COL4A4: variants seen among roughly 807,000 people sequenced by gnomAD.
COL4A4 encodes collagen alpha-4(IV) chain.
In COL4A4, 105 loss-of-function variants were observed where a neutral mutation model predicts 192.9. That is an observed-to-expected ratio of 0.54 (90% confidence interval 0.46 to 0.64). COL4A4 has a LOEUF of 0.64. Ranked by LOEUF, COL4A4 falls within the 30% of genes least tolerant of loss-of-function variation. The pLI, the probability that COL4A4 is intolerant of heterozygous loss-of-function variation, is 0.00. For synonymous variants in COL4A4, 762 were observed against 769.9 expected (o/e 0.99, Z 0.17); for missense variants, 1,967 against 2,169.3 (o/e 0.91, Z 1.85).
intron 25 of COL4A4, among the ~76,000 whole-genome samples, chr2:227,068,617 C>G (rs1200503944): frequency 1.3e-5 from 2 of 152,050 alleles, no homozygotes; most frequent in African/African-American, 2.4e-5. Context: ...AGACAAAAAC[C>G]ACATGATTAT....
intron 1 of COL4A4, among the ~76,000 whole-genome samples, chr2:227,154,786 C>T (rs1193644364): frequency 6.6e-6 from 1 of 152,202 alleles, no homozygotes; most frequent in Non-Finnish European, 1.5e-5. Flanking sequence ...AAAAGAATGA[C>T]ATGTCTTATT....
intron 20 of COL4A4, among the ~76,000 whole-genome samples, chr2:227,091,613 G>C (rs1385725158): frequency 6.6e-6 from 1 of 152,000 alleles, no homozygotes; most frequent in Non-Finnish European, 1.5e-5. Flanking sequence ...AGGATATAGG[G>C]CCAGGCACGG....
At chr2:227,045,783 CATAT>C (rs769553506) in intron 35 of COL4A4, among the ~76,000 whole-genome samples, 2 of 56,886 alleles carry the variant, frequency 3.5e-5, no homozygotes, top group African/African-American at 1.1e-4. Context: ...AAAAAAAATA[CATAT>C]ATATATATAT....
In COL4A4 at chr2:227,144,561, A is replaced by G. The variant is rs746717452; in HGVS notation, c.72-3T>C. On this transcript the variant is annotated splice_region_variant and splice_polypyrimidine_tract_variant and intron_variant, in intron 2 of 47. Transcript: ENST00000396625. The stretch of plus-strand genomic sequence containing the variant: ...AAAAGAGAATGAGTATAAGTGACCT[A>G]CAGAAAAACAAAAACGCAGATTAAT... 60 of 1,600,936 alleles carry G rather than the reference A, an allele frequency of 3.7e-5. No individual in the cohort carries two copies. The highest frequency in any genetic ancestry group is 3.3e-4 in the Middle Eastern group (2 of 6,058).
intron 28 of COL4A4, 87 bp downstream of exon 28, chr2:227,059,317 TA>T: frequency 8.6e-7 from 1 of 1,156,302 alleles, no homozygotes; most frequent in Non-Finnish European, 1.3e-6. Context: ...TCTACATGCC[TA>T]AAGCAAAATA....
chr2:227,058,506 T>G (rs1159970736), intron 28 of COL4A4, among the ~76,000 whole-genome samples: 4 of 152,200 alleles, frequency 2.6e-5, no homozygotes, highest in Non-Finnish European at 5.9e-5. Context: ...ATTTACAAAC[T>G]TCCATGCAAG....
chr2:227,139,136 G>A (rs921881074), intron 4 of COL4A4, among the ~76,000 whole-genome samples: 2 of 152,180 alleles, frequency 1.3e-5, no homozygotes, highest in East Asian at 3.9e-4. Context: ...AGGATACAGT[G>A]AGAAGACACC....
At chr2:227,151,415 G>A (rs573024816) in intron 1 of COL4A4, among the ~76,000 whole-genome samples, 9 of 152,156 alleles carry the variant, frequency 5.9e-5, no homozygotes, top group South Asian at 2.1e-4. Flanking sequence ...TTTTTATTTC[G>A]TATCAGCTTA....
intron 3 of COL4A4, among the ~76,000 whole-genome samples, chr2:227,143,434 G>T (rs1024018024): frequency 1.3e-5 from 2 of 152,126 alleles, no homozygotes; most frequent in African/African-American, 4.8e-5. Flanking sequence ...ACATCGCATC[G>T]ATTTGTATTG....
At chr2:227,085,584 A>G (rs763079405) in intron 22 of COL4A4, among the ~76,000 whole-genome samples, 2 of 152,162 alleles carry the variant, frequency 1.3e-5, no homozygotes, top group Non-Finnish European at 2.9e-5. Context: ...GAAGCTTCCA[A>G]TCATGGCGGA....
In COL4A4 at chr2:227,144,568, A is replaced by G. The variant is rs1396458628; in HGVS notation, c.72-10T>C. The G allele has an allele frequency of 6.3e-7, 1 of 1,591,556 alleles. No homozygotes were observed. Among genetic ancestry groups the G allele is most frequent in the Non-Finnish European group, 8.6e-7 (1 of 1,159,870 alleles). On this transcript the variant is annotated splice_polypyrimidine_tract_variant and intron_variant, in intron 2 of 47. Coordinates refer to ENST00000396625, the MANE Select transcript of COL4A4 (RefSeq NM_000092.5). ...AATGAGTATAAGTGACCTACAGAAA[A>G]ACAAAAACGCAGATTAATTTAAACA...
chr2:227,090,089 T>A, intron 20 of COL4A4, 132 bp from the exon 21 acceptor site: 1 of 654,228 alleles, frequency 1.5e-6, no homozygotes, highest in Non-Finnish European at 2.7e-6. Flanking sequence ...TTTGCGCCCT[T>A]GTTTTCCTAG....
chr2:227,011,436 T>C (rs1963675931), intron 45 of COL4A4, among the ~76,000 whole-genome samples: 2 of 152,182 alleles, frequency 1.3e-5, no homozygotes, highest in Admixed American at 1.3e-4. Context: ...TAGACTATAA[T>C]TGGCTGGAGC....
chr2:227,003,110 A>G lies in COL4A4; in HGVS notation c.*4215T>C, dbSNP rs1384823826. The G allele has an allele frequency of 6.6e-6, 1 of 152,364 alleles. No homozygotes were observed. Among genetic ancestry groups the G allele is most frequent in the Non-Finnish European group, 1.5e-5 (1 of 68,044 alleles). The allele number at this position is 152,364 out of a possible 1,614,324, so 9.4% of individuals were successfully genotyped here. A position where few individuals can be genotyped will look rare whatever the true frequency, so the allele number is the denominator to read the frequency against. On this transcript the variant is annotated 3_prime_UTR_variant, in exon 48 of 48. Coordinates refer to ENST00000396625, the MANE Select transcript of COL4A4 (RefSeq NM_000092.5). ...GAAATTGTGATATTTTCTGTGCTAC[A>G]GTAACTTTGAGGATTGAAATGAAAC... is the stretch of plus-strand genomic sequence containing the variant.
At chr2:227,080,237 G>A (rs1031295799) in intron 24 of COL4A4, among the ~76,000 whole-genome samples, 5 of 152,166 alleles carry the variant, frequency 3.3e-5, no homozygotes, top group African/African-American at 1.2e-4. Flanking sequence ...GGACTGAACT[G>A]CCAAGAGGAT....
chr2:227,093,148 C>T (rs956337986), intron 20 of COL4A4, among the ~76,000 whole-genome samples: 2 of 152,124 alleles, frequency 1.3e-5, no homozygotes, highest in Admixed American at 6.6e-5. Flanking sequence ...ATAACTTCAC[C>T]TTGTCTTTAG....
chr2:227,144,602 T>C, intron 2 of COL4A4, 44 bp from the exon 3 acceptor site: 2 of 1,465,668 alleles, frequency 1.4e-6, no homozygotes, highest in Non-Finnish European at 1.9e-6. Flanking sequence ...CAGTTTCTTT[T>C]CATGTGAAAC....
chr2:226,990,269 T>C, the COL4A4 span, among the ~76,000 whole-genome samples: 85 of 152,220 alleles, frequency 5.6e-4, 1 homozygote, highest in Middle Eastern at 6.8e-3. Flanking sequence ...TTTTGGGAGC[T>C]TTGCAGTTCA....
rs568137779 is a variant in COL4A4 at position 227,159,759 on chromosome 2, T to C, written c.-102+4248A>G. Among the ~76,000 whole-genome samples the C allele has an allele frequency of 5.8e-4, 89 of 152,316 alleles. 2 individuals carry two copies. In the Middle Eastern group the frequency reaches 0.044, roughly 76 times the overall value. ...GAAGAGGTGCCTTCCACCATGATTG[T>C]AAGTTTCCTGAGGCCTCCCCAGCCA... On this transcript the variant is annotated intron_variant, in intron 1 of 47. Coordinates refer to ENST00000396625, the MANE Select transcript of COL4A4 (RefSeq NM_000092.5).
Sources: allele counts gnomAD v4.1 joint callset (sites outside exome capture counted in the v4.1 genomes callset), GRCh38; gene constraint gnomAD v4.1.1; transcripts MANE v1.5; gene names NCBI Gene and HGNC (gene_info 2026-07-23, HGNC 2026-07-21).